Variants in SAMMSON observed in about 807,000 individuals in gnomAD.
The protein encoded by SAMMSON is survival associated mitochondrial melanoma specific oncogenic non-coding RNA.
intron 6 of SAMMSON, among the ~76,000 whole-genome samples, chr3:70,250,409 T>TCACACACACACA (rs1491108341): frequency 8.5e-4 from 107 of 126,340 alleles, no homozygotes; most frequent in Non-Finnish European, 4.1e-4. Flanking sequence ...TTTTAATGAA[T>TCACACACACACA]CTCACACACA....
chr3:70,125,238 T>C (rs2067451979), intron 4 of SAMMSON: 3 of 1,327,410 alleles, frequency 2.3e-6, no homozygotes, highest in Non-Finnish European at 3.3e-6. Flanking sequence ...CGACCTTCTT[T>C]CATCAAACGT....
At chr3:70,207,286 C>A (rs1215909651) in intron 4 of SAMMSON, among the ~76,000 whole-genome samples, 2 of 152,072 alleles carry the variant, frequency 1.3e-5, no homozygotes, top group Non-Finnish European at 2.9e-5. Flanking sequence ...AATGAATAGT[C>A]TATAAGCTCA....
intron 9 of SAMMSON, among the ~76,000 whole-genome samples, chr3:70,378,050 A>G (rs1703036095): frequency 6.6e-6 from 1 of 151,948 alleles, no homozygotes; most frequent in Admixed American, 6.6e-5. Flanking sequence ...TTCAAATGAA[A>G]AAGTACATCC....
intron 4 of SAMMSON, among the ~76,000 whole-genome samples, chr3:70,233,291 T>TG (rs774614035): frequency 9.9e-5 from 15 of 151,994 alleles, no homozygotes; most frequent in Non-Finnish European, 1.9e-4. Context: ...GTGGCCCTGG[T>TG]GATGTTTGAG....
intron 4 of SAMMSON, among the ~76,000 whole-genome samples, chr3:70,213,637 G>T (rs1000148601): frequency 1.3e-5 from 2 of 152,068 alleles, no homozygotes; most frequent in African/African-American, 4.8e-5. Context: ...ACACTGTATA[G>T]AGAAAAAAAG....
intron 6 of SAMMSON, among the ~76,000 whole-genome samples, chr3:70,284,306 T>C (rs879425462): frequency 6.6e-6 from 1 of 152,204 alleles, no homozygotes; most frequent in Non-Finnish European, 1.5e-5. Context: ...TCTACAATTT[T>C]ATAGAGTGAA....
chr3:70,332,852 C>T (rs6789908), intron 7 of SAMMSON: 93,066 of 152,010 alleles, frequency 0.61, 28,949 homozygotes, highest in Admixed American at 0.67. Flanking sequence ...CCTCGGCCTC[C>T]CAAAGTGCTG....
At chr3:70,373,188 C>G (rs1017520563) in intron 9 of SAMMSON, among the ~76,000 whole-genome samples, 1 of 152,008 alleles carries the variant, frequency 6.6e-6, no homozygotes, top group African/African-American at 2.4e-5. Context: ...ATTAAATATT[C>G]TGTTTTCCTT....
intron 3 of SAMMSON, among the ~76,000 whole-genome samples, chr3:70,043,938 G>A (rs2067114699): frequency 6.6e-6 from 1 of 151,900 alleles, no homozygotes; most frequent in Non-Finnish European, 1.5e-5. Context: ...AAGTTAAAGT[G>A]AACAAAATTG....
chr3:70,190,863 C>G (rs1256022828), intron 4 of SAMMSON, among the ~76,000 whole-genome samples: 1 of 152,158 alleles, frequency 6.6e-6, no homozygotes, highest in Non-Finnish European at 1.5e-5. Flanking sequence ...AGGTGGTTTA[C>G]TGCCATGCCC....
chr3:70,316,374 G>T (rs371323500), intron 7 of SAMMSON, among the ~76,000 whole-genome samples: 3 of 151,958 alleles, frequency 2.0e-5, no homozygotes, highest in Non-Finnish European at 4.4e-5. Context: ...CAATGCGTAG[G>T]TATGTCACCA....
Position 70,163,708 on chromosome 3 carries a change from C to T in SAMMSON, n.508-85399C>T, listed in dbSNP as rs77555486. Among the ~76,000 whole-genome samples the T allele has an allele frequency of 8.1e-3, 1,237 of 151,926 alleles. 7 individuals carry two copies. The highest frequency in any genetic ancestry group is 0.037 in the East Asian group (188 of 5,142). The stretch of plus-strand genomic sequence containing the variant: ...GGCATGAACACTGTGTTGGAGCTGA[C>T]GATGCGGGGAGGGATTGGAAATTAG... On this transcript the variant is annotated intron_variant and non_coding_transcript_variant, in intron 4 of 9. Coordinates refer to ENST00000642114, the Ensembl canonical transcript of SAMMSON.
chr3:70,013,966 G>T (rs926450022), intron 3 of SAMMSON: 3 of 152,132 alleles, frequency 2.0e-5, no homozygotes, highest in African/African-American at 7.2e-5. Context: ...GGAAATTGTT[G>T]CTTGGTTCCT....
intron 3 of SAMMSON, among the ~76,000 whole-genome samples, chr3:70,047,680 A>G (rs2067132012): frequency 6.6e-6 from 1 of 151,984 alleles, no homozygotes; most frequent in Admixed American, 6.6e-5. Context: ...TCCATTTGTG[A>G]TACTATAGAA....
intron 4 of SAMMSON, among the ~76,000 whole-genome samples, chr3:70,226,126 C>A (rs961599172): frequency 6.6e-6 from 1 of 152,138 alleles, no homozygotes; most frequent in Non-Finnish European, 1.5e-5. Flanking sequence ...ACATCCCCAC[C>A]TAATAGATAA....
intron 6 of SAMMSON, among the ~76,000 whole-genome samples, chr3:70,256,794 A>G (rs540081963): frequency 6.6e-6 from 1 of 152,320 alleles, no homozygotes; most frequent in South Asian, 2.1e-4. Context: ...AGTTCTCTAA[A>G]CATATGTAAT....
At chr3:70,215,840 A>G (rs1016049908) in intron 4 of SAMMSON, among the ~76,000 whole-genome samples, 2 of 152,098 alleles carry the variant, frequency 1.3e-5, no homozygotes, top group African/African-American at 2.4e-5. Flanking sequence ...TTCAGTTGAC[A>G]ATGGACTCAT....
At chr3:70,395,644 C>T (rs964702799) in intron 2 of SAMMSON, among the ~76,000 whole-genome samples, 6 of 152,164 alleles carry the variant, frequency 3.9e-5, no homozygotes, top group African/African-American at 1.4e-4. Flanking sequence ...CCAACCCTGG[C>T]AAAGCAGCTA....
chr3:70,419,001 CTTTCTT>C (rs1559585599), intron 2 of SAMMSON, among the ~76,000 whole-genome samples: 1 of 100,090 alleles, frequency 1.0e-5, no homozygotes, highest in East Asian at 3.3e-4. Context: ...CTCTCTCTCT[CTTTCTT>C]TCTTTCTTTC....
Sources: gnomAD v4.1 joint callset for allele counts (sites outside exome capture counted in the v4.1 genomes callset) on GRCh38, gnomAD v4.1.1 for gene constraint, MANE v1.5 for transcripts, NCBI Gene and HGNC (gene_info 2026-07-23, HGNC 2026-07-21) for gene names.